The following LSM12 variants were observed in gnomAD, a reference collection of about 807,000 sequenced individuals.
LSM12 encodes LSM12 homolog.
For synonymous variants in LSM12, 74 were observed against 87.3 expected (o/e 0.85, Z 0.85); for missense variants, 108 against 238.9 (o/e 0.45, Z 3.61).
chr17:44,066,662 A>G lies in LSM12; in HGVS notation c.-75T>C, dbSNP rs892931360. ...AGCCGGGCCCCCAGTGAGCGCCGCG[A>G]CGCGACGGCGCGCACGGAGCGTGCT... On this transcript the variant is annotated 5_prime_UTR_variant, in exon 1 of 5. Coordinates refer to ENST00000293406, the MANE Select transcript of LSM12 (RefSeq NM_001371445.1). The G allele has an allele frequency of 4.7e-5, 60 of 1,264,156 alleles. No homozygotes were observed. The highest frequency in any genetic ancestry group is 3.1e-4 in the Middle Eastern group (1 of 3,242). The allele number at this position is 1,264,156 out of a possible 1,614,324, so 78.3% of individuals were successfully genotyped here. A position where few individuals can be genotyped will look rare whatever the true frequency, so the allele number is the denominator to read the frequency against.
intron 2 of LSM12, among the ~76,000 whole-genome samples, chr17:44,057,438 G>A (rs965984697): frequency 4.7e-5 from 7 of 149,814 alleles, no homozygotes; most frequent in African/African-American, 7.3e-5. Context: ...GTGAGCCACC[G>A]TGCCTGGGTG....
At chr17:44,042,116 G>A (rs1027771563) in intron 2 of LSM12, among the ~76,000 whole-genome samples, 7 of 152,052 alleles carry the variant, frequency 4.6e-5, no homozygotes, top group African/African-American at 7.2e-5. Context: ...GTGAAACCCC[G>A]TCTCTACTAA....
At chr17:44,052,253 C>A (rs1201408535) in intron 2 of LSM12, among the ~76,000 whole-genome samples, 16 of 147,062 alleles carry the variant, frequency 1.1e-4, no homozygotes, top group African/African-American at 2.5e-4. Flanking sequence ...AAAAAAAAAA[C>A]AAACAACAAA....
At chr17:44,045,971 C>T (rs2049558285) in intron 2 of LSM12, among the ~76,000 whole-genome samples, 1 of 134,362 alleles carries the variant, frequency 7.4e-6, no homozygotes, top group South Asian at 2.3e-4. Flanking sequence ...GAGTCTCGCT[C>T]TGTCTCCCAG....
chr17:44,067,105 G>C (rs936992932), upstream of LSM12, among the ~76,000 whole-genome samples: 4 of 152,118 alleles, frequency 2.6e-5, no homozygotes, highest in Non-Finnish European at 5.9e-5. Context: ...TTCGAGACCA[G>C]CCTGGCCAAC....
intron 2 of LSM12, among the ~76,000 whole-genome samples, chr17:44,052,498 C>T (rs918634828): frequency 6.6e-6 from 1 of 152,074 alleles, no homozygotes; most frequent in Non-Finnish European, 1.5e-5. Context: ...GTGGCTCACA[C>T]TTGTAATCCC....
intron 2 of LSM12, among the ~76,000 whole-genome samples, chr17:44,041,286 A>AAAC (rs2049486733): frequency 6.2e-5 from 7 of 113,532 alleles, no homozygotes; most frequent in African/African-American, 1.7e-4. Context: ...AAAAAAAAAA[A>AAAC]ACAAACACAC....
intron 2 of LSM12, among the ~76,000 whole-genome samples, chr17:44,062,892 G>A (rs2049817560): frequency 6.6e-6 from 1 of 151,342 alleles, no homozygotes; most frequent in Non-Finnish European, 1.5e-5. Flanking sequence ...GTGTGACAGT[G>A]TGTGCCTGTC....
chr17:44,046,454 T>C lies in LSM12; in HGVS notation c.259-6198A>G, dbSNP rs887330325. On this transcript the variant is annotated intron_variant, in intron 2 of 4. Coordinates refer to ENST00000293406, the MANE Select transcript of LSM12 (RefSeq NM_001371445.1). ...CGGGTGCAGTGGCTCACGCCTGCAA[T>C]CCCAGCACTTTGGGAGGCCGAGGCG... Among the ~76,000 whole-genome samples, 9 of 151,036 alleles carry C rather than the reference T, an allele frequency of 6.0e-5. No individual in the cohort carries two copies. In the East Asian group the frequency reaches 8.2e-4, roughly 14 times the overall value.
At position 44,066,622 on chromosome 17, in the gene LSM12, G is replaced by C. The variant is rs200239929; in HGVS notation, c.-35C>G. On this transcript the variant is annotated 5_prime_UTR_variant, in exon 1 of 5. Transcript: ENST00000293406. ...GCAGCCGCGGCCGGCGGCGGCGGCG[G>C]CAGCAGCGGGCGAAAGCCGGGCCCC... is the stretch of plus-strand genomic sequence containing the variant. 1 of 1,314,664 alleles carries C rather than the reference G, an allele frequency of 7.6e-7. No homozygotes were observed. The highest frequency in any genetic ancestry group is 2.3e-5 in the South Asian group (1 of 43,846). 81.4% of individuals were successfully genotyped at this position (1,314,664 alleles called of 1,614,324 possible).
rs941715683 is a variant in LSM12, at chr17:44,039,510, T to C, written c.368+637A>G. ...CATTCTCCTGCCTCAGCCTCCCGAG[T>C]AGCTGGGACTACAGGCGCCCGCCAC... On this transcript the variant is annotated intron_variant, in intron 3 of 4. Coordinates refer to ENST00000293406, the MANE Select transcript of LSM12 (RefSeq NM_001371445.1). Among the ~76,000 whole-genome samples the C allele has an allele frequency of 4.0e-5, 6 of 149,518 alleles. No homozygotes were observed. The Admixed American group carries it at 4.0e-4, about 10-fold the overall frequency.
chr17:44,062,221 CA>C (rs529081923), intron 2 of LSM12, among the ~76,000 whole-genome samples: 1,695 of 63,870 alleles, frequency 0.027, 7 homozygotes, highest in African/African-American at 0.11. Flanking sequence ...GACTCCGTCT[CA>C]AAAAAAAAAA....
intron 2 of LSM12, among the ~76,000 whole-genome samples, chr17:44,042,902 C>T (rs1013423216): frequency 6.6e-6 from 1 of 151,690 alleles, no homozygotes; most frequent in Non-Finnish European, 1.5e-5. Context: ...AGGATTTCAC[C>T]ATGTTGGCCA....
At chr17:44,044,947 A>G (rs1251659029) in intron 2 of LSM12, among the ~76,000 whole-genome samples, 1 of 152,222 alleles carries the variant, frequency 6.6e-6, no homozygotes, top group African/African-American at 2.4e-5. Context: ...ACTGGAGAGA[A>G]CCAATAAAAG....
upstream of LSM12, chr17:44,066,791 C>G: frequency 1.8e-6 from 1 of 550,182 alleles, no homozygotes; most frequent in Non-Finnish European, 2.6e-6. Flanking sequence ...ATTTGTATAG[C>G]TGCGTCCGCT....
intron 3 of LSM12, among the ~76,000 whole-genome samples, chr17:44,038,655 A>G (rs1018541085): frequency 6.6e-6 from 1 of 151,746 alleles, no homozygotes. Context: ...CTCCGACTCA[A>G]AAAAAAGAGA....
chr17:44,061,285 C>G (rs1190430379), intron 2 of LSM12, among the ~76,000 whole-genome samples: 1 of 147,352 alleles, frequency 6.8e-6, no homozygotes, highest in Admixed American at 6.9e-5. Flanking sequence ...CCATTGCACT[C>G]CAGCCTGGGC....
chr17:44,058,411 G>C (rs760153122), intron 2 of LSM12, among the ~76,000 whole-genome samples: 1 of 151,878 alleles, frequency 6.6e-6, no homozygotes, highest in African/African-American at 2.4e-5. Flanking sequence ...ACTTAGAAAC[G>C]TTACCTAGGG....
At chr17:44,055,988 T>TAGGG (rs888537684) in intron 2 of LSM12, among the ~76,000 whole-genome samples, 1 of 151,280 alleles carries the variant, frequency 6.6e-6, no homozygotes, top group African/African-American at 2.4e-5. Flanking sequence ...GTACCCTGGG[T>TAGGG]AGGGCGTGGT....
Sources: gnomAD v4.1 joint callset for allele counts (sites outside exome capture counted in the v4.1 genomes callset) on GRCh38, gnomAD v4.1.1 for gene constraint, MANE v1.5 for transcripts, NCBI Gene and HGNC (gene_info 2026-07-23, HGNC 2026-07-21) for gene names.